The following CCL15 variants were observed in gnomAD, a reference collection of about 807,000 sequenced individuals.
CCL15 encodes C-C motif chemokine 15.
A neutral mutation model predicts 10.6 loss-of-function variants in CCL15; 8 were observed. The observed-to-expected ratio is 0.75, with a 90% CI of 0.44 to 1.36. CCL15 has a LOEUF of 1.36. Ranked by LOEUF, CCL15 falls within the 40% of genes most tolerant of loss-of-function variation. The pLI, the probability that CCL15 is intolerant of heterozygous loss-of-function variation, is 0.00. For synonymous variants in CCL15, 51 were observed against 48.8 expected (o/e 1.04, Z -0.19); for missense variants, 128 against 136.6 (o/e 0.94, Z 0.32).
At chr17:36,001,193 C>T (rs996989240) in intron 1 of CCL15, among the ~76,000 whole-genome samples, 5 of 152,192 alleles carry the variant, frequency 3.3e-5, no homozygotes, top group Admixed American at 2.6e-4. Context: ...ATAATTTTTG[C>T]TGTGAAAAGG....
At chr17:35,999,000 C>T in intron 1 of CCL15, 75 bp from the exon 2 acceptor site, 1 of 1,193,374 alleles carries the variant, frequency 8.4e-7, no homozygotes, top group Non-Finnish European at 1.2e-6. Context: ...CACCCCATTG[C>T]TCATCCTCCT....
At position 36,000,444 on chromosome 17, in the gene CCL15, CAG is replaced by C. The variant is rs1194625162; in HGVS notation, c.76+971_76+972del. Among the ~76,000 whole-genome samples the C allele has an allele frequency of 4.5e-5, 5 of 112,142 alleles. No homozygotes were observed. The Admixed American group carries it at 6.4e-4, about 14-fold the overall frequency. 73.6% of individuals were successfully genotyped at this position (112,142 alleles called of 152,430 possible). On this transcript the variant is annotated intron_variant, in intron 1 of 3. Coordinates refer to ENST00000617897, the MANE Select transcript of CCL15 (RefSeq NM_032965.6). ...CACCACTGCACTCCAGCCTGGGAGA[CAG>C]AGTGAAACTCCATCTCAAAAAAAAA...
chr17:35,997,903 C>A (rs779210491), intron 3 of CCL15, 43 bp from the exon 4 acceptor site: 10 of 1,470,514 alleles, frequency 6.8e-6, no homozygotes, highest in Non-Finnish European at 9.5e-6. Context: ...GAGGTGTGGG[C>A]AGATGGAGAC....
chr17:35,999,461 C>CTT (rs780201447), intron 1 of CCL15, among the ~76,000 whole-genome samples: 4 of 139,810 alleles, frequency 2.9e-5, no homozygotes, highest in African/African-American at 5.2e-5. Flanking sequence ...GTATGTATTA[C>CTT]TTTTTTTTTT....
At position 35,999,072 on chromosome 17, in the gene CCL15, C is replaced by T; in HGVS notation, c.77-147G>A. 4 of 663,540 alleles carry T rather than the reference C, an allele frequency of 6.0e-6. No individual in the cohort carries two copies. In the South Asian group the frequency reaches 7.2e-5, roughly 12 times the overall value. The allele number at this position is 663,540 out of a possible 1,614,324, so 41.1% of individuals were successfully genotyped here. On this transcript the variant is annotated intron_variant, in intron 1 of 3. Coordinates refer to ENST00000617897, the MANE Select transcript of CCL15 (RefSeq NM_032965.6). ...ACCTGTCTGGGTTCTAGGCCTGCCT[C>T]CTGGCCCATTTATTCCATTAGGGCC...
In CCL15 at chr17:35,997,874, G is replaced by A. The variant is rs767729222; in HGVS notation, c.249-14C>T. ...TTGGTGAGGAATCTGGGGAACAAGG[G>A]AGAGAAAGATTACAAACTGAGGTGT... On this transcript the variant is annotated splice_polypyrimidine_tract_variant and intron_variant, in intron 3 of 3. Coordinates refer to ENST00000617897, the MANE Select transcript of CCL15 (RefSeq NM_032965.6). 9.5e-5 allele frequency: 152 copies of A among 1,605,506 alleles called. No homozygotes were observed. Among genetic ancestry groups the A allele is most frequent in the Non-Finnish European group, 1.0e-4 (122 of 1,172,484 alleles).
Position 35,997,873 on chromosome 17 carries a change from G to A in CCL15, c.249-13C>T. 1.1e-5 allele frequency: 17 copies of A among 1,606,584 alleles called. 1 individual carries two copies. The highest frequency in any genetic ancestry group is 1.4e-5 in the Non-Finnish European group (16 of 1,173,392). ...CTTGGTGAGGAATCTGGGGAACAAG[G>A]GAGAGAAAGATTACAAACTGAGGTG... On this transcript the variant is annotated splice_polypyrimidine_tract_variant and intron_variant, in intron 3 of 3. Transcript: ENST00000617897.
At chr17:35,998,811 T>C (rs2089950316) in intron 2 of CCL15, 55 bp downstream of exon 2, 1 of 1,330,746 alleles carries the variant, frequency 7.5e-7, no homozygotes, top group South Asian at 1.2e-5. Context: ...GATCCCATAG[T>C]GCAGACCTGC....
rs1231553847 is a variant in CCL15, at chr17:35,998,304, C to G, written c.224G>C (p.Ser75Thr). The G allele has an allele frequency of 3.7e-6, 6 of 1,613,874 alleles. No individual in the cohort carries two copies. The South Asian group carries it at 6.6e-5, about 18-fold the overall frequency. The change falls in exon 3 of 4, where the codon AGC becomes ACC. Residue 75 changes from serine (S) to threonine (T), a missense_variant. Ser to Thr is a moderately conservative substitution (Grantham distance 58). Transcript: ENST00000617897. ...CATGACACCTGGCTTGGAGCACTCGCTGCTCGTTTCAAAATAACTTTTCAT... is the reference window on the plus strand; with the variant it reads ...CATGACACCTGGCTTGGAGCACTCGGTGCTCGTTTCAAAATAACTTTTCAT... The part of the protein sequence containing the change: ...SLMKSYFETS[S>T]ECSKPGVIFL...
rs1210083000 is a variant in CCL15, at chr17:36,001,525, C to A, written c.-33G>T. 1 of 1,611,796 alleles carries A rather than the reference C, an allele frequency of 6.2e-7. No homozygotes were observed. Among genetic ancestry groups the A allele is most frequent in the South Asian group, 1.1e-5 (1 of 90,830 alleles). On this transcript the variant is annotated 5_prime_UTR_variant, in exon 1 of 4. Coordinates refer to ENST00000617897, the MANE Select transcript of CCL15 (RefSeq NM_032965.6). ...GTGGGCAGGCAGGGCTGGCCGAGGACTCCTGGGCTCACTGCTTCCTGGCTC... is the reference window on the plus strand; with the variant it reads ...GTGGGCAGGCAGGGCTGGCCGAGGAATCCTGGGCTCACTGCTTCCTGGCTC...
intron 1 of CCL15, 90 bp from the exon 2 acceptor site, chr17:35,999,015 A>T: frequency 9.5e-7 from 1 of 1,048,962 alleles, no homozygotes; most frequent in South Asian, 1.3e-5. Flanking sequence ...CCTCCTCCTG[A>T]GGCAGAGAGG....
chr17:36,000,844 G>A (rs150784078), intron 1 of CCL15, among the ~76,000 whole-genome samples: 62 of 151,740 alleles, frequency 4.1e-4, no homozygotes, highest in African/African-American at 1.3e-3. Context: ...ACTCCTGCCC[G>A]TGACTCCTGC....
intron 1 of CCL15, 110 bp downstream of exon 1, chr17:36,001,307 A>G: frequency 7.1e-7 from 1 of 1,416,928 alleles, no homozygotes; most frequent in East Asian, 2.4e-5. Context: ...GTGCTTTTTA[A>G]ATAAGTTCCA....
intron 1 of CCL15, among the ~76,000 whole-genome samples, chr17:36,000,711 G>C (rs1007186980): frequency 1.3e-5 from 2 of 151,832 alleles, no homozygotes; most frequent in African/African-American, 2.4e-5. Flanking sequence ...AGCCTGAAAG[G>C]CTTATTCAGA....
intron 2 of CCL15, 113 bp from the exon 3 acceptor site, chr17:35,998,504 G>T: frequency 3.9e-6 from 3 of 778,914 alleles, no homozygotes; most frequent in South Asian, 3.0e-5. Flanking sequence ...GCTAGCACTT[G>T]CTGGCCTCTC....
intron 3 of CCL15, 57 bp downstream of exon 3, chr17:35,998,223 G>A: frequency 8.4e-7 from 1 of 1,188,080 alleles, no homozygotes; most frequent in South Asian, 1.2e-5. Context: ...TGTCCTCCCT[G>A]CAAGATGCTG....
At chr17:36,001,357 C>A in intron 1 of CCL15, 60 bp downstream of exon 1, 1 of 1,601,950 alleles carries the variant, frequency 6.2e-7, no homozygotes, top group East Asian at 2.2e-5. Context: ...AACATGTCTC[C>A]GTCCCAGAGC....
chr17:35,998,260 T>C lies in CCL15; in HGVS notation c.248+20A>G, dbSNP rs772532964. The stretch of plus-strand genomic sequence containing the variant: ...GGGCTGCTTCTTCCCCAACACATGG[T>C]TGGTGAGCTTGGCACTTACATGACA... On this transcript the variant is annotated intron_variant, in intron 3 of 3. Transcript: ENST00000617897. 1.3e-6 allele frequency: 2 copies of C among 1,534,274 alleles called. No homozygotes were observed. The highest frequency in any genetic ancestry group is 1.8e-6 in the Non-Finnish European group (2 of 1,107,912).
intron 3 of CCL15, 79 bp from the exon 4 acceptor site, chr17:35,997,939 C>T: frequency 1.1e-6 from 1 of 907,366 alleles, no homozygotes; most frequent in Non-Finnish European, 1.8e-6. Flanking sequence ...CCCTGCTCCT[C>T]AGATTTCCCA....
Sources: gnomAD v4.1 joint callset for allele counts (sites outside exome capture counted in the v4.1 genomes callset) on GRCh38, gnomAD v4.1.1 for gene constraint, MANE v1.5 for transcripts, NCBI Gene and HGNC (gene_info 2026-07-23, HGNC 2026-07-21) for gene names.